Variants in SAXO1 observed in about 807,000 individuals in gnomAD.
SAXO1 encodes the protein 4930500O09Rik.
SAXO1 carries 21 observed loss-of-function variants against 17.5 expected under a neutral mutation model. The observed-to-expected ratio is 1.20, with a 90% CI of 0.85 to 1.72. The LOEUF (loss-of-function observed/expected upper bound fraction) is 1.72. Among genes scored for constraint, SAXO1 ranks in the 40% most tolerant of loss-of-function variants. The pLI is 0.00. For missense variants in SAXO1, 843 were observed against 596.0 expected (o/e 1.41, Z -4.32); for synonymous variants, 274 against 216.5 (o/e 1.27, Z -2.33).
At chr9:18,939,360 G>T (rs1831449749) in intron 3 of SAXO1, among the ~76,000 whole-genome samples, 1 of 152,244 alleles carries the variant, frequency 6.6e-6, no homozygotes, top group South Asian at 2.1e-4. Context: ...TGCCTGCTGT[G>T]AGAGGGTAAT....
intron 1 of SAXO1, among the ~76,000 whole-genome samples, chr9:18,964,023 G>A (rs1425255538): frequency 6.6e-6 from 1 of 152,178 alleles, no homozygotes; most frequent in Non-Finnish European, 1.5e-5. Context: ...TATCTATTGA[G>A]ATAATCATGT....
chr9:18,961,834 T>C (rs1400186499), intron 1 of SAXO1, among the ~76,000 whole-genome samples: 1 of 152,184 alleles, frequency 6.6e-6, no homozygotes, highest in Non-Finnish European at 1.5e-5. Context: ...ATGATGTACC[T>C]ATCCTTTGGT....
intron 1 of SAXO1, among the ~76,000 whole-genome samples, chr9:18,995,795 A>G (rs1399689035): frequency 2.6e-5 from 4 of 152,220 alleles, no homozygotes; most frequent in African/African-American, 9.6e-5. Context: ...GTTTTATTAT[A>G]TAAGCTGGGT....
intron 1 of SAXO1, among the ~76,000 whole-genome samples, chr9:18,975,929 C>T (rs1324340104): frequency 5.3e-5 from 8 of 152,140 alleles, no homozygotes; most frequent in Non-Finnish European, 8.8e-5. Flanking sequence ...TTGAACTCCA[C>T]GCAAACAGAA....
intron 1 of SAXO1, among the ~76,000 whole-genome samples, chr9:18,980,225 C>A (rs933912130): frequency 6.6e-6 from 1 of 152,108 alleles, no homozygotes; most frequent in African/African-American, 2.4e-5. Context: ...TGAGCTCATT[C>A]ATAAAGCTCT....
chr9:18,972,230 A>G (rs1468932613), intron 1 of SAXO1, among the ~76,000 whole-genome samples: 1 of 152,252 alleles, frequency 6.6e-6, no homozygotes, highest in Non-Finnish European at 1.5e-5. Flanking sequence ...GGTAGAAGAT[A>G]GCCCTTCTTT....
chr9:18,948,559 T>C (rs1831890824), intron 2 of SAXO1, among the ~76,000 whole-genome samples: 1 of 152,190 alleles, frequency 6.6e-6, no homozygotes, highest in African/African-American at 2.4e-5. Context: ...GATATGTTTA[T>C]TGTTTTAAGT....
At chr9:18,940,660 T>C (rs762849626) in intron 3 of SAXO1, among the ~76,000 whole-genome samples, 6 of 152,232 alleles carry the variant, frequency 3.9e-5, no homozygotes, top group Non-Finnish European at 7.3e-5. Context: ...AAGGTTGGTA[T>C]CATAAGCATG....
At chr9:18,994,471 C>T (rs1833928861) in intron 1 of SAXO1, among the ~76,000 whole-genome samples, 1 of 152,160 alleles carries the variant, frequency 6.6e-6, no homozygotes, top group Non-Finnish European at 1.5e-5. Flanking sequence ...TGGTAGACCA[C>T]CCAGTGTTGT....
intron 3 of SAXO1, among the ~76,000 whole-genome samples, chr9:18,934,558 T>C (rs1290184256): frequency 1.3e-5 from 2 of 152,234 alleles, no homozygotes; most frequent in Non-Finnish European, 2.9e-5. Flanking sequence ...TGAGCAATTG[T>C]TGTCATACTT....
chr9:19,022,119 G>A (rs1317674553), intron 1 of SAXO1, among the ~76,000 whole-genome samples: 1 of 152,182 alleles, frequency 6.6e-6, no homozygotes, highest in Non-Finnish European at 1.5e-5. Flanking sequence ...CTTCATTCCT[G>A]AAATCAGCAA....
chr9:18,978,569 A>G (rs1214261583), intron 1 of SAXO1, among the ~76,000 whole-genome samples: 2 of 152,226 alleles, frequency 1.3e-5, no homozygotes, highest in Non-Finnish European at 2.9e-5. Flanking sequence ...TTTGAAATAA[A>G]GTTGGTTTTC....
chr9:18,933,944 G>A (rs554726839), intron 3 of SAXO1, among the ~76,000 whole-genome samples: 4 of 152,300 alleles, frequency 2.6e-5, no homozygotes, highest in African/African-American at 9.6e-5. Context: ...TACTAGGGAG[G>A]CTGAGGCAGG....
Position 19,032,991 on chromosome 9 carries a change from G to A in SAXO1, c.-83C>T. On this transcript the variant is annotated 5_prime_UTR_variant, in exon 1 of 4. Transcript: ENST00000380534. ...CTAGACCCCAACCACCTGTCTTGGG[G>A]CACGCCCAGGCTCGAGGGTCTTGGC... 7.0e-7 allele frequency: 1 copy of A among 1,427,318 alleles called. No individual in the cohort carries two copies. Among genetic ancestry groups the A allele is most frequent in the East Asian group, 2.5e-5 (1 of 39,912 alleles). 88.4% of individuals were successfully genotyped at this position (1,427,318 alleles called of 1,614,324 possible).
chr9:18,978,304 C>T (rs1833236144), intron 1 of SAXO1, among the ~76,000 whole-genome samples: 1 of 152,154 alleles, frequency 6.6e-6, no homozygotes, highest in South Asian at 2.1e-4. Context: ...CAAAGCTCAA[C>T]CTTTCACAGC....
At chr9:18,970,639 G>A (rs1049503796) in intron 1 of SAXO1, among the ~76,000 whole-genome samples, 1 of 152,140 alleles carries the variant, frequency 6.6e-6, no homozygotes, top group Non-Finnish European at 1.5e-5. Flanking sequence ...GTCTCAGCAG[G>A]TGAACTGGTG....
rs149136172 is a variant in SAXO1 at position 19,045,678 on chromosome 9, A to G, written c.-158+3531T>C. 3.2e-4 allele frequency among the ~76,000 whole-genome samples: 48 copies of G among 152,328 alleles called. 1 individual carries two copies. In the East Asian group the frequency reaches 8.9e-3, roughly 28 times the overall value. The stretch of plus-strand genomic sequence containing the variant: ...CAAAGAGCACAGGTCTAAATGAGGC[A>G]GGCGGCAAGACTTTCTTCAAAGAAA... On this transcript the variant is annotated intron_variant, in intron 1 of 3. Transcript: ENST00000542071.
intron 1 of SAXO1, among the ~76,000 whole-genome samples, chr9:18,976,944 C>T (rs1159905981): frequency 1.3e-5 from 2 of 152,210 alleles, no homozygotes; most frequent in Non-Finnish European, 2.9e-5. Context: ...ATGTGAAGCA[C>T]TTAGCACAAT....
chr9:19,009,489 A>C lies in SAXO1; in HGVS notation c.38+23382T>G, dbSNP rs938282196. ...AAGCCCCCAAGTTATAAGACGTGGCAAAAAGGGGGAAGCTGCAGATGCTTT... is the reference window on the plus strand; with the variant it reads ...AAGCCCCCAAGTTATAAGACGTGGCCAAAAGGGGGAAGCTGCAGATGCTTT... On this transcript the variant is annotated intron_variant, in intron 1 of 3. Transcript: ENST00000380534. Among the ~76,000 whole-genome samples the C allele has an allele frequency of 9.9e-4, 151 of 152,228 alleles. 1 individual carries two copies. The highest frequency in any genetic ancestry group is 9.8e-3 in the Admixed American group (149 of 15,270).
Sources: gnomAD v4.1 joint callset for allele counts (sites outside exome capture counted in the v4.1 genomes callset) on GRCh38, gnomAD v4.1.1 for gene constraint, MANE v1.5 for transcripts, NCBI Gene and HGNC (gene_info 2026-07-23, HGNC 2026-07-21) for gene names.